The following CAMSAP2 variants were observed in gnomAD, a reference collection of about 807,000 sequenced individuals.
CAMSAP2 encodes the protein calmodulin regulated spectrin associated protein family member 2, also known as calmodulin-regulated spectrin-associated protein 2.
Under a neutral mutation model 146.1 loss-of-function variants are expected in CAMSAP2, and 26 were observed. The ratio of observed to expected loss-of-function variants is 0.18; its 90% confidence interval spans 0.13 to 0.25. The LOEUF is 0.25. Ranked by LOEUF, CAMSAP2 falls within the 10% of genes least tolerant of loss-of-function variation. The probability of loss-of-function intolerance (pLI) is 1.00; values close to 1 mark genes in which losing one functional copy is unlikely to be tolerated. For missense variants in CAMSAP2, 1,381 were observed against 1,759.3 expected (o/e 0.78, Z 3.85); for synonymous variants, 499 against 596.6 (o/e 0.84, Z 2.38).
chr1:200,852,706 A>G lies in CAMSAP2; in HGVS notation c.3602+29A>G, dbSNP rs201459833. Reference sequence around the variant, plus strand: ...AAGGAAATTGCTGGCCCAGTGCTAGATCTGAACTTTAATGATGCATGGGCA... The same window carrying G: ...AAGGAAATTGCTGGCCCAGTGCTAGGTCTGAACTTTAATGATGCATGGGCA... On this transcript the variant is annotated intron_variant, in intron 12 of 16. Transcript: ENST00000358823. 1.3e-4 allele frequency: 207 copies of G among 1,596,340 alleles called. No homozygotes were observed. The highest frequency in any genetic ancestry group is 1.7e-4 in the Non-Finnish European group (195 of 1,174,366).
chr1:200,824,753 T>C (rs899027195), intron 4 of CAMSAP2, among the ~76,000 whole-genome samples: 2 of 152,016 alleles, frequency 1.3e-5, no homozygotes, highest in African/African-American at 4.8e-5. Context: ...CCGAGGCGGG[T>C]GGATCACTTG....
intron 2 of CAMSAP2, among the ~76,000 whole-genome samples, chr1:200,783,273 T>C (rs1329035257): frequency 6.6e-6 from 1 of 152,226 alleles, no homozygotes; most frequent in Admixed American, 6.5e-5. Context: ...TTATTTTGCA[T>C]TTCCCTGAGG....
chr1:200,750,649 A>G (rs1222126654), intron 1 of CAMSAP2, among the ~76,000 whole-genome samples: 2 of 142,960 alleles, frequency 1.4e-5, no homozygotes, highest in African/African-American at 2.6e-5. Context: ...TTTGAGACAG[A>G]GTTTCGCTCT....
intron 2 of CAMSAP2, among the ~76,000 whole-genome samples, chr1:200,785,587 G>T (rs566973578): frequency 6.6e-6 from 1 of 151,846 alleles, no homozygotes; most frequent in Admixed American, 6.6e-5. Flanking sequence ...ACAGGGTTTC[G>T]CCATGTTTGC....
At chr1:200,817,850 G>A (rs954672430) in intron 4 of CAMSAP2, among the ~76,000 whole-genome samples, 1 of 152,090 alleles carries the variant, frequency 6.6e-6, no homozygotes, top group Non-Finnish European at 1.5e-5. Flanking sequence ...ACTCTGTTGA[G>A]GTCCTTTACC....
intron 2 of CAMSAP2, among the ~76,000 whole-genome samples, chr1:200,785,352 G>T (rs1308140112): frequency 5.3e-5 from 8 of 151,510 alleles, no homozygotes; most frequent in Admixed American, 3.9e-4. Context: ...GAATTCACTA[G>T]GTATGCCACC....
intron 2 of CAMSAP2, among the ~76,000 whole-genome samples, chr1:200,806,657 A>G (rs1189076432): frequency 1.3e-5 from 2 of 152,130 alleles, no homozygotes; most frequent in Admixed American, 6.6e-5. Flanking sequence ...ACTTTTTTGT[A>G]GGAATATATA....
chr1:200,805,704 A>T (rs1666153774), intron 2 of CAMSAP2, among the ~76,000 whole-genome samples: 1 of 152,238 alleles, frequency 6.6e-6, no homozygotes, highest in Non-Finnish European at 1.5e-5. Flanking sequence ...TAACATTCAA[A>T]CCAACGACAA....
chr1:200,839,803 T>G (rs1455889455), intron 6 of CAMSAP2, among the ~76,000 whole-genome samples: 2 of 152,120 alleles, frequency 1.3e-5, no homozygotes, highest in African/African-American at 4.8e-5. Flanking sequence ...CTTAAAGAAC[T>G]TATTCATGTA....
chr1:200,818,375 G>A (rs1666663580), intron 4 of CAMSAP2, among the ~76,000 whole-genome samples: 1 of 152,134 alleles, frequency 6.6e-6, no homozygotes, highest in Non-Finnish European at 1.5e-5. Flanking sequence ...TTAGCTCCAT[G>A]CAGTTGCACG....
chr1:200,837,648 A>C (rs1667218191), intron 6 of CAMSAP2, among the ~76,000 whole-genome samples: 1 of 152,158 alleles, frequency 6.6e-6, no homozygotes, highest in South Asian at 2.1e-4. Context: ...CATTGAATCT[A>C]TACATTGATT....
At chr1:200,841,867 A>C in intron 6 of CAMSAP2, 127 bp from the exon 7 acceptor site, 1 of 651,670 alleles carries the variant, frequency 1.5e-6, no homozygotes, top group South Asian at 1.9e-5. Flanking sequence ...CATGTTTAAT[A>C]GCCTACTATA....
chr1:200,795,277 G>A (rs1665856379), intron 2 of CAMSAP2, among the ~76,000 whole-genome samples: 1 of 152,202 alleles, frequency 6.6e-6, no homozygotes, highest in Non-Finnish European at 1.5e-5. Context: ...GCAATGTCCT[G>A]TAGAAAGGTT....
intron 2 of CAMSAP2, among the ~76,000 whole-genome samples, chr1:200,793,017 G>A (rs1665795593): frequency 1.3e-5 from 2 of 152,144 alleles, no homozygotes; most frequent in African/African-American, 4.8e-5. Flanking sequence ...TATGAGGAAT[G>A]AATTTTTAAG....
chr1:200,750,346 G>A (rs1036388762), intron 1 of CAMSAP2, among the ~76,000 whole-genome samples: 1 of 151,976 alleles, frequency 6.6e-6, no homozygotes, highest in African/African-American at 2.4e-5. Context: ...GATGGATTGT[G>A]GTGTACTTTA....
At chr1:200,801,302 C>A (rs1156543022) in intron 2 of CAMSAP2, among the ~76,000 whole-genome samples, 1 of 150,392 alleles carries the variant, frequency 6.6e-6, no homozygotes, top group African/African-American at 2.4e-5. Context: ...TATTGGCCCC[C>A]ACTCTCTTCT....
Position 200,783,484 on chromosome 1 carries a change from T to C in CAMSAP2, c.399+22386T>C, listed in dbSNP as rs866184495. 1.1e-4 allele frequency among the ~76,000 whole-genome samples: 16 copies of C among 152,254 alleles called. 1 individual carries two copies. In the South Asian group the frequency reaches 3.3e-3, roughly 32 times the overall value. ...CTCCTAATCTGTGGTTCACATTTTC[T>C]TTTCTTTTCTTCTTTTGAGACAAGG... On this transcript the variant is annotated intron_variant, in intron 2 of 16. Coordinates refer to ENST00000358823, the MANE Select transcript of CAMSAP2 (RefSeq NM_203459.4).
rs1410560382 is a variant in CAMSAP2, at chr1:200,849,611, T to C, written c.2842T>C (p.Phe948Leu). ...AGGCCTGTCATCAGCCATTGCACCATTCTCCTCAGACTCCCCTCGTCCTAC... is the reference window on the plus strand; with the variant it reads ...AGGCCTGTCATCAGCCATTGCACCACTCTCCTCAGACTCCCCTCGTCCTAC... ...QAGLSSAIAP[F>L]SSDSPRPTHP... The change falls in exon 11 of 17, where the codon TTC becomes CTC. Residue 948 changes from phenylalanine (F) to leucine (L), a missense_variant. By Grantham distance (22) the Phe-to-Leu change is conservative. This residue lies in a region of CAMSAP2 where 560 missense variants were observed against 715.9 expected (regional missense o/e 0.78). Transcript: ENST00000358823. This position sits in a 1 kb window ranked among gnomAD's most constrained non-coding sequence, Gnocchi z 6.3. 6.2e-7 allele frequency: 1 copy of C among 1,614,184 alleles called. No individual in the cohort carries two copies. Among genetic ancestry groups the C allele is most frequent in the African/African-American group, 1.3e-5 (1 of 75,052 alleles).
intron 2 of CAMSAP2, among the ~76,000 whole-genome samples, chr1:200,799,764 T>C (rs1033390714): frequency 1.3e-5 from 2 of 152,228 alleles, no homozygotes; most frequent in African/African-American, 2.4e-5. Flanking sequence ...AATGTGATGT[T>C]AGGGTGTCGA....
Sources: gnomAD v4.1 joint callset for allele counts (sites outside exome capture counted in the v4.1 genomes callset) on GRCh38, gnomAD v4.1.1 for gene constraint, gnomAD v4.1.1 regional missense constraint, Gnocchi (gnomAD v3.1) non-coding constraint, MANE v1.5 for transcripts, NCBI Gene and HGNC (gene_info 2026-07-23, HGNC 2026-07-21) for gene names.